EPS15: variants seen among roughly 807,000 people sequenced by gnomAD.
EPS15 encodes epidermal growth factor receptor substrate 15.
Under a neutral mutation model 113.8 loss-of-function variants are expected in EPS15, and 72 were observed. That is an observed-to-expected ratio of 0.63 (90% confidence interval 0.52 to 0.77). The LOEUF is 0.77. Ranked by LOEUF, EPS15 falls within the 30% of genes least tolerant of loss-of-function variation. EPS15 has a pLI of 0.00. For synonymous variants in EPS15, 344 were observed against 363.4 expected (o/e 0.95, Z 0.61); for missense variants, 1,048 against 1,045.8 (o/e 1.00, Z -0.03).
Position 51,397,653 on chromosome 1 carries a change from G to C in EPS15, c.2052+1379C>G, listed in dbSNP as rs1429953284. On this transcript the variant is annotated intron_variant, in intron 20 of 24. Transcript: ENST00000371733. ...AAACGAAAAATATTCAGTCACGAAG[G>C]TATCTGTCCAGTTTTTATTCAATGG... is the stretch of plus-strand genomic sequence containing the variant. Among the ~76,000 whole-genome samples the C allele has an allele frequency of 2.0e-5, 3 of 152,124 alleles. No individual in the cohort carries two copies. The East Asian group carries it at 5.8e-4, about 29-fold the overall frequency.
At chr1:51,505,330 G>T (rs984495903) in intron 1 of EPS15, among the ~76,000 whole-genome samples, 1 of 152,136 alleles carries the variant, frequency 6.6e-6, no homozygotes, top group African/African-American at 2.4e-5. Context: ...ATAACCATAC[G>T]ATGGAATATT....
chr1:51,468,428 C>T (rs1655005625), intron 5 of EPS15, 45 bp downstream of exon 5: 2 of 1,333,510 alleles, frequency 1.5e-6, no homozygotes, highest in Admixed American at 1.7e-5. Context: ...CGTGGTGTCA[C>T]TTTTTAAAAA....
chr1:51,503,091 C>G (rs1644440574), intron 1 of EPS15, among the ~76,000 whole-genome samples: 1 of 150,664 alleles, frequency 6.6e-6, no homozygotes, highest in South Asian at 2.1e-4. Flanking sequence ...AACAAAAGTA[C>G]AAGACTTACT....
chr1:51,398,952 T>TC, intron 20 of EPS15, 80 bp downstream of exon 20: 1 of 1,232,432 alleles, frequency 8.1e-7, no homozygotes, highest in South Asian at 1.5e-5. Context: ...GAGGGTTCTT[T>TC]CATCACTATG....
Position 51,444,962 on chromosome 1 carries a change from A to T in EPS15, c.881T>A (p.Ile294Asn). 1 of 1,614,056 alleles carries T rather than the reference A, an allele frequency of 6.2e-7. No individual in the cohort carries two copies. Among genetic ancestry groups the T allele is most frequent in the Non-Finnish European group, 8.5e-7 (1 of 1,179,934 alleles). Residue 294 changes from isoleucine (I) to asparagine (N), a missense_variant, in exon 11 of 25, where the codon ATC becomes AAC. Ile to Asn is a moderately radical substitution (Grantham distance 149). Coordinates refer to ENST00000371733, the MANE Select transcript of EPS15 (RefSeq NM_001981.3). ...AACGTGAGGAGGATCAATGCCCTTG[A>T]TTAACTTCTGACTGATTAAGTGAAA... ...LAFHLISQKLIKGIDPPHVLT... is the reference protein window; with the variant it reads ...LAFHLISQKLNKGIDPPHVLT...
At chr1:51,513,132 A>C (rs957972434) in intron 1 of EPS15, among the ~76,000 whole-genome samples, 7 of 152,134 alleles carry the variant, frequency 4.6e-5, no homozygotes, top group Admixed American at 2.0e-4. Context: ...TGCCTACCCC[A>C]AATTAGCAGT....
intron 14 of EPS15, 75 bp from the exon 15 acceptor site, chr1:51,408,407 A>T (rs1456423160): frequency 2.8e-6 from 3 of 1,074,972 alleles, no homozygotes; most frequent in Non-Finnish European, 4.2e-6. Flanking sequence ...AAAATGCAAT[A>T]CATTTATTTG....
chr1:51,357,430 T>A (rs867856915), intron 24 of EPS15, among the ~76,000 whole-genome samples: 2,612 of 98,510 alleles, frequency 0.027, 41 homozygotes, highest in Non-Finnish European at 0.041. Flanking sequence ...ATATATATTT[T>A]TTTTTTTTAA....
At chr1:51,401,848 C>T (rs374538619) in intron 18 of EPS15, among the ~76,000 whole-genome samples, 16 of 152,060 alleles carry the variant, frequency 1.1e-4, no homozygotes, top group African/African-American at 3.6e-4. Flanking sequence ...ACTAAAAATA[C>T]AAAAATTAGG....
intron 12 of EPS15, among the ~76,000 whole-genome samples, chr1:51,433,151 G>A (rs370699890): frequency 2.0e-5 from 3 of 152,270 alleles, no homozygotes; most frequent in African/African-American, 7.2e-5. Context: ...ATATATTTAG[G>A]AACACAGAAT....
intron 1 of EPS15, among the ~76,000 whole-genome samples, chr1:51,508,352 G>GAAAA (rs1275566360): frequency 6.8e-6 from 1 of 146,016 alleles, no homozygotes; most frequent in Non-Finnish European, 1.5e-5. Context: ...AAGAAAGAAA[G>GAAAA]AAAGAAAGAA....
intron 24 of EPS15, among the ~76,000 whole-genome samples, chr1:51,357,410 ATATATATATATATATATT>A (rs1465607003): frequency 1.7e-4 from 10 of 58,258 alleles, no homozygotes; most frequent in Non-Finnish European, 2.7e-4. Context: ...ATATATATAT[ATATATATATATATATATT>A]TTTTTTTTTT....
intron 21 of EPS15, among the ~76,000 whole-genome samples, chr1:51,386,787 C>T (rs1409179028): frequency 5.9e-5 from 9 of 152,034 alleles, no homozygotes; most frequent in Middle Eastern, 3.4e-3. Context: ...TAAAAAGAAA[C>T]GAACAAAGCC....
At chr1:51,376,202 C>T (rs1376511970) in intron 21 of EPS15, among the ~76,000 whole-genome samples, 2 of 152,210 alleles carry the variant, frequency 1.3e-5, no homozygotes, top group African/African-American at 2.4e-5. Flanking sequence ...GAAGCCAATG[C>T]TCATTGACCA....
At position 51,361,369 on chromosome 1, in the gene EPS15, A is replaced by G. The variant is rs1646382528; in HGVS notation, c.2360-14T>C. Reference sequence around the variant, plus strand: ...TGGATCTTTTCCCTGGATCAAAATCATTACAATTAATTCAACCAGTAAATA... The same window carrying G: ...TGGATCTTTTCCCTGGATCAAAATCGTTACAATTAATTCAACCAGTAAATA... On this transcript the variant is annotated splice_polypyrimidine_tract_variant and intron_variant, in intron 23 of 24. Coordinates refer to ENST00000371733, the MANE Select transcript of EPS15 (RefSeq NM_001981.3). The G allele has an allele frequency of 6.3e-7, 1 of 1,594,166 alleles. No individual in the cohort carries two copies. The highest frequency in any genetic ancestry group is 1.3e-5 in the African/African-American group (1 of 74,294).
chr1:51,357,035 TAA>T (rs1486540207), intron 24 of EPS15, among the ~76,000 whole-genome samples, 189 bp from the exon 25 acceptor site: 2 of 151,984 alleles, frequency 1.3e-5, no homozygotes, highest in Non-Finnish European at 2.9e-5. Context: ...TAGTTTAATT[TAA>T]AAAATTAATT....
At position 51,405,998 on chromosome 1, in the gene EPS15, G is replaced by T; in HGVS notation, c.1584C>A (p.Ser528Arg). 1.2e-6 allele frequency: 2 copies of T among 1,614,146 alleles called. No homozygotes were observed. Among genetic ancestry groups the T allele is most frequent in the Non-Finnish European group, 1.7e-6 (2 of 1,180,016 alleles). ...ILVNGATDYCSLSTSSSETAN... is the reference protein window; with the variant it reads ...ILVNGATDYCRLSTSSSETAN... ...CTGTTTCACTGCTGCTGGTGCTGAG[G>T]CTGCAATAATCTGTAGCTCCGTTTA... Residue 528 changes from serine to arginine, a missense_variant, in exon 16 of 25, where the codon AGC (serine) becomes AGA (arginine). By Grantham distance (110) the Ser-to-Arg change is moderately radical. Transcript: ENST00000371733.
In EPS15 at chr1:51,516,392, T is replaced by C. The variant is rs1644716785; in HGVS notation, c.33+2807A>G. On this transcript the variant is annotated intron_variant, in intron 1 of 24. Coordinates refer to ENST00000371733, the MANE Select transcript of EPS15 (RefSeq NM_001981.3). ...TAGCACATACTGAATGCTCAGCAAA[T>C]GTTTGTTGAGTCTCTTTTAAAGTTA... Among the ~76,000 whole-genome samples the C allele has an allele frequency of 3.3e-5, 5 of 152,190 alleles. No homozygotes were observed. In the South Asian group the frequency reaches 1.0e-3, roughly 31 times the overall value.
intron 1 of EPS15, among the ~76,000 whole-genome samples, chr1:51,516,098 A>G (rs186855208): frequency 1.4e-3 from 206 of 152,254 alleles, no homozygotes; most frequent in African/African-American, 4.8e-3. Context: ...TCTCATTGAC[A>G]AGAAGTAAAC....
Sources: gnomAD v4.1 joint callset for allele counts (sites outside exome capture counted in the v4.1 genomes callset) on GRCh38, gnomAD v4.1.1 for gene constraint, MANE v1.5 for transcripts, NCBI Gene and HGNC (gene_info 2026-07-23, HGNC 2026-07-21) for gene names.